Variants in SOX13 observed in about 807,000 individuals in gnomAD.
SOX13 encodes transcription factor SOX-13.
SOX13 carries 28 observed loss-of-function variants against 71.8 expected under a neutral mutation model. The observed-to-expected ratio is 0.39, with a 90% CI of 0.29 to 0.53. The LOEUF (loss-of-function observed/expected upper bound fraction) is 0.53. Among genes scored for constraint, SOX13 ranks in the 20% least tolerant of loss-of-function variants. The pLI, the probability that SOX13 is intolerant of heterozygous loss-of-function variation, is 0.70. For missense variants in SOX13, 627 were observed against 810.3 expected (o/e 0.77, Z 2.75); for synonymous variants, 309 against 317.8 (o/e 0.97, Z 0.29).
intron 1 of SOX13, among the ~76,000 whole-genome samples, chr1:204,093,186 G>A (rs1182832004): frequency 1.3e-5 from 2 of 152,128 alleles, no homozygotes; most frequent in Non-Finnish European, 2.9e-5. Context: ...CCTAGAGAAG[G>A]AAAGAAACTG....
chr1:204,096,239 G>GTTTTTTTTTTT (rs59094119), intron 1 of SOX13, among the ~76,000 whole-genome samples: 22 of 85,358 alleles, frequency 2.6e-4, no homozygotes, highest in African/African-American at 6.3e-4. Flanking sequence ...TCTTTCTTTC[G>GTTTTTTTTTTT]TTTTTTTTTT....
chr1:204,124,840 C>T lies in SOX13; in HGVS notation c.1575C>T (p.Arg525=). The T allele has an allele frequency of 6.4e-7, 1 of 1,572,076 alleles. No individual in the cohort carries two copies. Among genetic ancestry groups the T allele is most frequent in the South Asian group, 1.2e-5 (1 of 85,402 alleles). ...ALMRTRRQDA[R]QSYVIPPQAG... ...TGAGGACCCGGCGTCAGGATGCCCGCCAGAGCTACGTGATCCCGTGAGCAG... is the reference window on the plus strand; with the variant it reads ...TGAGGACCCGGCGTCAGGATGCCCGTCAGAGCTACGTGATCCCGTGAGCAG... The change falls in exon 13 of 14, where the codon CGC becomes CGT. Residue 525 remains arginine (R), a synonymous_variant. Coordinates refer to ENST00000367204, the MANE Select transcript of SOX13 (RefSeq NM_005686.3).
At chr1:204,098,437 C>T (rs1656297423) in intron 1 of SOX13, among the ~76,000 whole-genome samples, 1 of 152,028 alleles carries the variant, frequency 6.6e-6, no homozygotes, top group Admixed American at 6.6e-5. Flanking sequence ...TGAGATGGTG[C>T]CACTGCACTC....
chr1:204,116,271 G>A (rs755222645), intron 4 of SOX13: 44 of 1,483,556 alleles, frequency 3.0e-5, no homozygotes, highest in Non-Finnish European at 4.0e-5. Context: ...ATTTTCAGGG[G>A]GCCTGGAATT....
At chr1:204,115,657 C>CTTTTTTTTTTTTT (rs771014997) in intron 4 of SOX13, among the ~76,000 whole-genome samples, 3 of 57,382 alleles carry the variant, frequency 5.2e-5, no homozygotes, top group Admixed American at 2.6e-4. Flanking sequence ...GCTTCTTCTT[C>CTTTTTTTTTTTTT]TTTTTTTTTT....
intron 1 of SOX13, among the ~76,000 whole-genome samples, chr1:204,074,937 CGGCGCT>C (rs561332060): frequency 2.1e-4 from 32 of 152,294 alleles, no homozygotes; most frequent in Non-Finnish European, 3.8e-4. Flanking sequence ...CAGGACGCCT[CGGCGCT>C]GGCGCTGGCG....
Position 204,113,022 on chromosome 1 carries a change from C to G in SOX13, c.107C>G (p.Ala36Gly). The change falls in exon 2 of 14, where the codon GCC becomes GGC. Residue 36 changes from alanine to glycine, a missense_variant. Physicochemically the swap from Ala to Gly is moderately conservative, Grantham distance 60. Around this residue, in one of 3 missense-constraint regions of SOX13, gnomAD observed 447 missense variants for 532.2 expected, o/e 0.84. Coordinates refer to ENST00000367204, the MANE Select transcript of SOX13 (RefSeq NM_005686.3). ...SEEKKEPCHE[A>G]PQGSATAAEP... ...GAGAAGAAAGAGCCTTGCCACGAGG[C>G]CCCCCAGGGCTCAGCCACTGCCGCT... 6.2e-7 allele frequency: 1 copy of G among 1,612,632 alleles called. No homozygotes were observed. The highest frequency in any genetic ancestry group is 1.3e-5 in the African/African-American group (1 of 75,030).
intron 1 of SOX13, among the ~76,000 whole-genome samples, chr1:204,087,164 T>C (rs1158087852): frequency 3.3e-5 from 5 of 152,332 alleles, no homozygotes; most frequent in East Asian, 1.9e-4. Context: ...CCTTGTGATC[T>C]GCCCGCCTCG....
rs1656946096 is a variant in SOX13, at chr1:204,127,566, C to T, written c.*1432C>T. 1 of 152,700 alleles carries T rather than the reference C, an allele frequency of 6.5e-6. No individual in the cohort carries two copies. Among genetic ancestry groups the T allele is most frequent in the African/African-American group, 2.4e-5 (1 of 41,442 alleles). 9.5% of individuals were successfully genotyped at this position (152,700 alleles called of 1,614,324 possible). A position where few individuals can be genotyped will look rare whatever the true frequency, so the allele number is the denominator to read the frequency against. On this transcript the variant is annotated 3_prime_UTR_variant, in exon 14 of 14. Coordinates refer to ENST00000367204, the MANE Select transcript of SOX13 (RefSeq NM_005686.3). ...TGTCTGCCCCCGTCTTCTCTCCATC[C>T]TCAAAGCCCCCACTTCTCTCCAGGC...
At chr1:204,117,066 C>T in intron 5 of SOX13, 56 bp from the exon 6 acceptor site, 1 of 1,562,344 alleles carries the variant, frequency 6.4e-7, no homozygotes, top group East Asian at 2.3e-5. Flanking sequence ...GCTGGGCAGA[C>T]TGGGCACCAG....
intron 1 of SOX13, among the ~76,000 whole-genome samples, chr1:204,096,199 C>T (rs1452142765): frequency 3.4e-5 from 5 of 148,430 alleles, no homozygotes; most frequent in Admixed American, 2.7e-4. Flanking sequence ...CTTGAGGACC[C>T]GCCATCATAT....
intron 1 of SOX13, among the ~76,000 whole-genome samples, chr1:204,111,037 C>T (rs1656570569): frequency 1.3e-5 from 2 of 152,178 alleles, no homozygotes; most frequent in Non-Finnish European, 2.9e-5. Context: ...GGACTTATGA[C>T]TTTGCCTCTC....
At chr1:204,106,292 G>GA (rs1656468784) in intron 1 of SOX13, among the ~76,000 whole-genome samples, 1 of 152,140 alleles carries the variant, frequency 6.6e-6, no homozygotes, top group South Asian at 2.1e-4. Context: ...GGGTGTGGGA[G>GA]AAAAACCTGA....
rs190669341 is a variant in SOX13 at position 204,096,692 on chromosome 1, T to C, written c.-1-16223T>C. On this transcript the variant is annotated intron_variant, in intron 1 of 13. Transcript: ENST00000367204. ...AGACTCCCAAAGTGCTGGGATTATA[T>C]GCATGAGCCACCATGCCCAGCTAAT... Among the ~76,000 whole-genome samples, 851 of 150,906 alleles carry C rather than the reference T, an allele frequency of 5.6e-3. 7 individuals carry two copies. Among genetic ancestry groups the C allele is most frequent in the Non-Finnish European group, 9.0e-3 (611 of 67,694 alleles).
Position 204,112,829 on chromosome 1 carries a change from T to A in SOX13, c.-1-86T>A, listed in dbSNP as rs974476143. The A allele has an allele frequency of 5.4e-6, 6 of 1,114,756 alleles. No individual in the cohort carries two copies. The African/African-American group carries it at 9.3e-5, about 17-fold the overall frequency. The allele number at this position is 1,114,756 out of a possible 1,614,324, so 69.1% of individuals were successfully genotyped here. ...GGCACCAGGAGGCACTTGGGTGGGG[T>A]CAGGGGAGCAAACAGTAGGGTCACT... On this transcript the variant is annotated intron_variant, in intron 1 of 13. Coordinates refer to ENST00000367204, the MANE Select transcript of SOX13 (RefSeq NM_005686.3).
At chr1:204,075,045 A>G (rs1490019480) in intron 1 of SOX13, among the ~76,000 whole-genome samples, 1 of 152,192 alleles carries the variant, frequency 6.6e-6, no homozygotes. Context: ...CAGCAGTCCA[A>G]GTAGGTGGGT....
intron 1 of SOX13, among the ~76,000 whole-genome samples, chr1:204,082,013 C>T (rs1347022444): frequency 6.6e-6 from 1 of 151,274 alleles, no homozygotes; most frequent in Non-Finnish European, 1.5e-5. Flanking sequence ...GGAGTGGCCC[C>T]TTCAGCCCCT....
chr1:204,100,285 T>C (rs553957862), intron 1 of SOX13, among the ~76,000 whole-genome samples: 13 of 152,362 alleles, frequency 8.5e-5, no homozygotes, highest in East Asian at 7.7e-4. Flanking sequence ...CCTTGCTAAA[T>C]AGTCTTGAAT....
intron 7 of SOX13, 79 bp from the exon 8 acceptor site, chr1:204,121,818 TGTG>T (rs568940453): frequency 4.3e-4 from 411 of 962,342 alleles, no homozygotes; most frequent in Non-Finnish European, 6.5e-4. Context: ...TTGCCCATCT[TGTG>T]GTGCTGGGAC....
Sources: allele counts gnomAD v4.1 joint callset (sites outside exome capture counted in the v4.1 genomes callset), GRCh38; gene constraint gnomAD v4.1.1; regional missense constraint gnomAD v4.1.1; transcripts MANE v1.5; gene names NCBI Gene and HGNC (gene_info 2026-07-23, HGNC 2026-07-21).